The following MGAT5 variants were observed in gnomAD, a reference collection of about 807,000 sequenced individuals.
The protein encoded by MGAT5 is alpha-1,6-mannosylglycoprotein 6-beta-N-acetylglucosaminyltransferase A.
MGAT5 carries 30 observed loss-of-function variants against 94.3 expected under a neutral mutation model. The observed-to-expected ratio is 0.32, with a 90% CI of 0.24 to 0.43. The LOEUF is 0.43. MGAT5 is among the 20% of genes least tolerant of loss of function. The pLI is 1.00. For missense variants in MGAT5, 691 were observed against 905.5 expected, an observed-to-expected ratio of 0.76 and a Z score of 3.04; for synonymous variants, 310 against 322.9, an observed-to-expected ratio of 0.96 and a Z score of 0.43.
Position 134,148,522 on chromosome 2 carries a change from T to C in MGAT5, c.-143+28231T>C, listed in dbSNP as rs80164205. ...AAGAAATTAAGTTTCATGCTTATGATAGAAAATTCAAACTGTGCAGGAGAG... is the reference window on the plus strand; with the variant it reads ...AAGAAATTAAGTTTCATGCTTATGACAGAAAATTCAAACTGTGCAGGAGAG... On this transcript the variant is annotated intron_variant, in intron 1 of 16. Coordinates refer to the MGAT5 transcript ENST00000409645. 8.9e-3 allele frequency among the ~76,000 whole-genome samples: 1,356 copies of C among 152,362 alleles called. 10 individuals carry two copies. Among genetic ancestry groups the C allele is most frequent in the Middle Eastern group, 0.027 (8 of 294 alleles).
rs143930062 is a variant in MGAT5, at chr2:134,131,319, T to C, written c.-143+11028T>C. ...AAGAACCCACCAATTCGGGCCACAC[T>C]ACTATTACAGTGGGGAAACCGAGGT... On this transcript the variant is annotated intron_variant, in intron 1 of 16. Coordinates refer to the MGAT5 transcript ENST00000409645. Among the ~76,000 whole-genome samples the C allele has an allele frequency of 3.5e-3, 532 of 152,316 alleles. 5 individuals carry two copies. The highest frequency in any genetic ancestry group is 0.012 in the African/African-American group (519 of 41,576).
chr2:134,314,770 A>G (rs541186417), intron 2 of MGAT5, among the ~76,000 whole-genome samples: 2 of 152,142 alleles, frequency 1.3e-5, no homozygotes, highest in Non-Finnish European at 2.9e-5. Context: ...TTCCAGGGAG[A>G]GGAAGGCCCG....
intron 1 of MGAT5, among the ~76,000 whole-genome samples, chr2:134,266,340 CTT>C (rs1683714131): frequency 6.6e-6 from 1 of 152,078 alleles, no homozygotes; most frequent in African/African-American, 2.4e-5. Flanking sequence ...CCTGCCTCAG[CTT>C]TCCGAGTAGT....
chr2:134,407,049 TCA>T (rs1683382086), intron 11 of MGAT5, among the ~76,000 whole-genome samples: 1 of 151,968 alleles, frequency 6.6e-6, no homozygotes. Context: ...AAAGAAGGAG[TCA>T]AAATGAAACA....
intron 10 of MGAT5, among the ~76,000 whole-genome samples, chr2:134,365,273 C>G (rs1465527101): frequency 6.6e-6 from 1 of 152,198 alleles, no homozygotes; most frequent in South Asian, 2.1e-4. Context: ...CCCTACTCAC[C>G]TCGGCACTTA....
intron 1 of MGAT5, among the ~76,000 whole-genome samples, chr2:134,234,657 G>A (rs567676943): frequency 3.2e-4 from 49 of 152,344 alleles, no homozygotes; most frequent in Admixed American, 2.7e-3. Flanking sequence ...CTTGGGATTA[G>A]CAATAAGGTG....
At chr2:134,191,568 G>A (rs939911535) in intron 1 of MGAT5, among the ~76,000 whole-genome samples, 2 of 149,898 alleles carry the variant, frequency 1.3e-5, no homozygotes, top group Non-Finnish European at 3.0e-5. Flanking sequence ...GTGGGTTCGC[G>A]CCCTCCTCCT....
rs113442991 is a variant in MGAT5 at position 134,370,261 on chromosome 2, C to T, written c.1380+7853C>T. ...AATGTACTGAAACCCTTGAAAAGAA[C>T]ACATTTTTGTAAGTAGATTAAACCT... On this transcript the variant is annotated intron_variant, in intron 10 of 15. Coordinates refer to ENST00000281923, the MANE Select transcript of MGAT5 (RefSeq NM_002410.5). Among the ~76,000 whole-genome samples, 1,073 of 152,308 alleles carry T rather than the reference C, an allele frequency of 7.0e-3. 11 individuals are homozygous for T. Among genetic ancestry groups the T allele is most frequent in the African/African-American group, 0.024 (1,006 of 41,556 alleles).
intron 1 of MGAT5, among the ~76,000 whole-genome samples, chr2:134,171,329 C>T (rs971330813): frequency 6.6e-6 from 1 of 152,050 alleles, no homozygotes; most frequent in Non-Finnish European, 1.5e-5. Flanking sequence ...TAAAATTGTG[C>T]ATATATATTT....
intron 11 of MGAT5, among the ~76,000 whole-genome samples, chr2:134,409,558 GCTCAGTTT>G (rs775079517): frequency 6.2e-4 from 95 of 152,266 alleles, no homozygotes; most frequent in Non-Finnish European, 1.2e-3. Flanking sequence ...GTGATTCATT[GCTCAGTTT>G]CCCTCTAGAG....
intron 10 of MGAT5, among the ~76,000 whole-genome samples, chr2:134,399,263 TC>T (rs553952727): frequency 2.9e-4 from 44 of 152,148 alleles, no homozygotes; most frequent in Non-Finnish European, 6.0e-4. Flanking sequence ...ATTCTACCAC[TC>T]CCCCCTGCTG....
intron 1 of MGAT5, among the ~76,000 whole-genome samples, chr2:134,140,767 A>G (rs1305900719): frequency 6.6e-6 from 1 of 152,220 alleles, no homozygotes; most frequent in Non-Finnish European, 1.5e-5. Context: ...ATGAATTAGC[A>G]GGAAAAAAAA....
At chr2:134,237,148 T>TGTGTGTGCGC (rs374914892) in intron 1 of MGAT5, among the ~76,000 whole-genome samples, 5 of 140,744 alleles carry the variant, frequency 3.6e-5, no homozygotes, top group African/African-American at 1.1e-4. Context: ...TGTGTGTGTG[T>TGTGTGTGCGC]GCGCGTGTGT....
upstream of MGAT5, among the ~76,000 whole-genome samples, chr2:134,252,093 C>A (rs1374673990): frequency 1.3e-5 from 2 of 152,118 alleles, no homozygotes; most frequent in African/African-American, 4.8e-5. Context: ...GAATAGTATT[C>A]CATTGTCAGA....
chr2:134,260,039 C>T (rs753308562), intron 1 of MGAT5, among the ~76,000 whole-genome samples: 60 of 151,866 alleles, frequency 4.0e-4, no homozygotes, highest in Non-Finnish European at 6.3e-4. Context: ...GGAGGCAGAG[C>T]ATGCCAAGGA....
In MGAT5 at chr2:134,209,160, T is replaced by A. The variant is rs1023111695; in HGVS notation, c.-142-45102T>A. On this transcript the variant is annotated intron_variant, in intron 1 of 16. Transcript: ENST00000409645. ...TGGCTTATTTTTTTTTTATTTTTTT[T>A]TTTTTTTTTATTTTTTTTTTTATTT... is the stretch of plus-strand genomic sequence containing the variant. Among the ~76,000 whole-genome samples, 42 of 20,288 alleles carry A rather than the reference T, an allele frequency of 2.1e-3. 8 individuals are homozygous for A. Among genetic ancestry groups the A allele is most frequent in the Admixed American group, 9.5e-3 (15 of 1,586 alleles). The allele number at this position is 20,288 out of a possible 152,430, so 13.3% of individuals were successfully genotyped here.
chr2:134,164,850 AACC>A (rs1308316986), intron 1 of MGAT5, among the ~76,000 whole-genome samples: 2 of 149,722 alleles, frequency 1.3e-5, no homozygotes, highest in Non-Finnish European at 3.0e-5. Context: ...AAAAAAAAAA[AACC>A]AAACCAAACA....
At chr2:134,421,448 G>A (rs1396212488) in intron 12 of MGAT5, among the ~76,000 whole-genome samples, 1 of 152,150 alleles carries the variant, frequency 6.6e-6, no homozygotes, top group East Asian at 1.9e-4. Context: ...AGCCAGGCAT[G>A]GTGGTGCGCA....
At chr2:134,130,035 G>T (rs1260199172) in intron 1 of MGAT5, among the ~76,000 whole-genome samples, 1 of 152,148 alleles carries the variant, frequency 6.6e-6, no homozygotes, top group East Asian at 1.9e-4. Flanking sequence ...ACTCGGAGCG[G>T]CCGGCTGGGG....
Sources: allele counts gnomAD v4.1 joint callset (sites outside exome capture counted in the v4.1 genomes callset), GRCh38; gene constraint gnomAD v4.1.1; transcripts MANE v1.5; gene names NCBI Gene and HGNC (gene_info 2026-07-23, HGNC 2026-07-21).